The following L3MBTL4 variants were observed in gnomAD, a reference collection of about 807,000 sequenced individuals.
The protein encoded by L3MBTL4 is lethal(3)malignant brain tumor-like protein 4.
Under a neutral mutation model 84.5 loss-of-function variants are expected in L3MBTL4, and 70 were observed. The observed-to-expected ratio is 0.83, with a 90% CI of 0.68 to 1.01. The LOEUF is 1.01. Among genes scored for constraint, L3MBTL4 ranks in the 50% least tolerant of loss-of-function variants. The pLI, the probability that L3MBTL4 is intolerant of heterozygous loss-of-function variation, is 0.00. For synonymous variants in L3MBTL4, 274 were observed against 259.8 expected (o/e 1.05, Z -0.52); for missense variants, 715 against 754.8 (o/e 0.95, Z 0.62).
intron 5 of L3MBTL4, among the ~76,000 whole-genome samples, chr18:6,246,997 C>G (rs1485368459): frequency 6.6e-6 from 1 of 152,164 alleles, no homozygotes; most frequent in African/African-American, 2.4e-5. Flanking sequence ...CCTAGATTCA[C>G]TCATTGCTAC....
At chr18:6,167,342 C>T (rs1568240907) in intron 13 of L3MBTL4, among the ~76,000 whole-genome samples, 3 of 152,164 alleles carry the variant, frequency 2.0e-5, no homozygotes, top group Non-Finnish European at 2.9e-5. Context: ...CCAGCATCAT[C>T]CTGATACCAA....
rs1468977932 is a variant in L3MBTL4, at chr18:6,112,381, C to G, written c.1200-18853G>C. On this transcript the variant is annotated intron_variant, in intron 14 of 18. Transcript: ENST00000317931. The stretch of plus-strand genomic sequence containing the variant: ...AATCTCTCCCTTTGCTGCACTGGCA[C>G]GTCACACTGACTGACTGGGAAAGCG... 2.0e-5 allele frequency among the ~76,000 whole-genome samples: 3 copies of G among 152,322 alleles called. No homozygotes were observed. The East Asian group carries it at 5.8e-4, about 29-fold the overall frequency.
chr18:6,067,406 G>C (rs1020990066), intron 16 of L3MBTL4, among the ~76,000 whole-genome samples: 7 of 152,276 alleles, frequency 4.6e-5, no homozygotes, highest in Middle Eastern at 3.4e-3. Flanking sequence ...TAAACATTTA[G>C]ACTTCTCTTT....
chr18:5,995,362 G>A (rs921454011), intron 16 of L3MBTL4, among the ~76,000 whole-genome samples: 3 of 152,210 alleles, frequency 2.0e-5, no homozygotes, highest in Admixed American at 6.5e-5. Flanking sequence ...CATGCCGGGG[G>A]CCAAAGCCTG....
At chr18:6,272,165 A>G (rs1056460550) in intron 4 of L3MBTL4, among the ~76,000 whole-genome samples, 1 of 152,258 alleles carries the variant, frequency 6.6e-6, no homozygotes, top group Non-Finnish European at 1.5e-5. Flanking sequence ...GAAAAGAGGG[A>G]TAATCGACGG....
intron 1 of L3MBTL4, among the ~76,000 whole-genome samples, chr18:6,409,502 C>T (rs996068826): frequency 1.3e-5 from 2 of 152,110 alleles, no homozygotes; most frequent in African/African-American, 2.4e-5. Context: ...CCATTCGGCA[C>T]ATCCAATAAT....
chr18:6,033,623 TC>T (rs1325308767), intron 16 of L3MBTL4, among the ~76,000 whole-genome samples: 1 of 152,222 alleles, frequency 6.6e-6, no homozygotes, highest in South Asian at 2.1e-4. Flanking sequence ...AGTTTTGTTT[TC>T]CTACTTCCTA....
intron 14 of L3MBTL4, among the ~76,000 whole-genome samples, chr18:6,115,923 T>C (rs560555809): frequency 6.6e-6 from 1 of 152,224 alleles, no homozygotes; most frequent in South Asian, 2.1e-4. Context: ...GCGCAGTCCT[T>C]GTGATCCATG....
At chr18:6,185,210 A>G (rs1313298449) in intron 12 of L3MBTL4, among the ~76,000 whole-genome samples, 1 of 152,214 alleles carries the variant, frequency 6.6e-6, no homozygotes, top group East Asian at 1.9e-4. Flanking sequence ...GGAGTCATAA[A>G]CAAACAGAGG....
chr18:6,365,754 A>G (rs1162112398), intron 1 of L3MBTL4, among the ~76,000 whole-genome samples: 2 of 152,344 alleles, frequency 1.3e-5, no homozygotes, highest in Admixed American at 1.3e-4. Context: ...GTTACTTGAA[A>G]CACTGTATTG....
chr18:6,263,819 G>C lies in L3MBTL4; in HGVS notation c.219+128C>G. 9 of 756,106 alleles carry C rather than the reference G, an allele frequency of 1.2e-5. No individual in the cohort carries two copies. The South Asian group carries it at 1.3e-4, about 11-fold the overall frequency. The allele number at this position is 756,106 out of a possible 1,614,324, so 46.8% of individuals were successfully genotyped here. On this transcript the variant is annotated intron_variant, in intron 5 of 18. Transcript: ENST00000317931. ...CTAAAGCTCTGATTAGGTTTGTGGG[G>C]TCATTTTCCAGCAGAGCCTACAAAT...
rs568140713 is a variant in L3MBTL4, at chr18:6,318,103, G to C, written c.-90-6047C>G. ...CCAGCCCTACGAGAAAGGTTAAAAG[G>C]AGTTATAAATCTTCAAACAGAAGCT... On this transcript the variant is annotated intron_variant, in intron 1 of 18. Transcript: ENST00000317931. 2.6e-5 allele frequency among the ~76,000 whole-genome samples: 4 copies of C among 152,162 alleles called. No individual in the cohort carries two copies. The East Asian group carries it at 7.7e-4, about 29-fold the overall frequency.
At chr18:5,996,197 T>G (rs1189403861) in intron 16 of L3MBTL4, among the ~76,000 whole-genome samples, 1 of 152,216 alleles carries the variant, frequency 6.6e-6, no homozygotes, top group Admixed American at 6.5e-5. Flanking sequence ...CTACACATGA[T>G]GTTAACATCG....
chr18:6,189,389 A>T (rs2044950372), intron 12 of L3MBTL4, among the ~76,000 whole-genome samples: 2 of 152,352 alleles, frequency 1.3e-5, no homozygotes, highest in Non-Finnish European at 2.9e-5. Context: ...ACCACCATGC[A>T]ACCCACTATA....
intron 12 of L3MBTL4, among the ~76,000 whole-genome samples, chr18:6,191,642 T>C (rs1416258757): frequency 2.0e-5 from 3 of 152,020 alleles, no homozygotes; most frequent in African/African-American, 7.3e-5. Context: ...AGAGAATAAA[T>C]ACAGTTAGGG....
chr18:5,989,168 C>T (rs3745090), intron 16 of L3MBTL4, among the ~76,000 whole-genome samples: 29,644 of 152,112 alleles, frequency 0.19, 4,845 homozygotes, highest in African/African-American at 0.44. Flanking sequence ...GGCTGCCTGG[C>T]TTTCAAGAGA....
intron 1 of L3MBTL4, among the ~76,000 whole-genome samples, chr18:6,324,904 A>G (rs1434008196): frequency 1.3e-5 from 2 of 152,240 alleles, no homozygotes; most frequent in African/African-American, 4.8e-5. Flanking sequence ...ATTTATGAAA[A>G]GTTGCTTAAC....
At chr18:5,984,104 T>G (rs533682695) in intron 16 of L3MBTL4, among the ~76,000 whole-genome samples, 1 of 152,204 alleles carries the variant, frequency 6.6e-6, no homozygotes, top group Non-Finnish European at 1.5e-5. Flanking sequence ...TACAGATGGG[T>G]TTTCACCATG....
chr18:6,114,019 C>A (rs536030716), intron 14 of L3MBTL4, among the ~76,000 whole-genome samples: 1 of 152,222 alleles, frequency 6.6e-6, no homozygotes, highest in Non-Finnish European at 1.5e-5. Flanking sequence ...TGAGCACCTA[C>A]TTGATGCCAA....
Sources: gnomAD v4.1 joint callset for allele counts (sites outside exome capture counted in the v4.1 genomes callset) on GRCh38, gnomAD v4.1.1 for gene constraint, MANE v1.5 for transcripts, NCBI Gene and HGNC (gene_info 2026-07-23, HGNC 2026-07-21) for gene names.